Variants in CAMKMT observed in about 807,000 individuals in gnomAD.
CAMKMT encodes the protein CaM KMT.
CAMKMT carries 53 observed loss-of-function variants against 48.0 expected under a neutral mutation model. The ratio of observed to expected loss-of-function variants is 1.10; its 90% confidence interval spans 0.89 to 1.39. The LOEUF is 1.39. CAMKMT is among the 40% of genes most tolerant of loss of function. The probability of loss-of-function intolerance (pLI) is 0.00; values close to 1 mark genes in which losing one functional copy is unlikely to be tolerated. For synonymous variants in CAMKMT, 165 were observed against 152.3 expected, an observed-to-expected ratio of 1.08 and a Z score of -0.61; for missense variants, 428 against 402.7, an observed-to-expected ratio of 1.06 and a Z score of -0.54.
intron 3 of CAMKMT, among the ~76,000 whole-genome samples, chr2:44,519,667 G>A (rs1049715455): frequency 6.6e-6 from 1 of 152,178 alleles, no homozygotes; most frequent in Non-Finnish European, 1.5e-5. Flanking sequence ...AAACAAAAAA[G>A]TGTGACTTAG....
intron 6 of CAMKMT, among the ~76,000 whole-genome samples, chr2:44,714,861 A>G (rs7563260): frequency 0.037 from 5,651 of 152,248 alleles, 201 homozygotes; most frequent in African/African-American, 0.094. Context: ...CACACCTCAC[A>G]TACAGCTCTT....
chr2:44,688,285 G>A (rs1254362168), intron 3 of CAMKMT, among the ~76,000 whole-genome samples: 1 of 152,186 alleles, frequency 6.6e-6, no homozygotes, highest in African/African-American at 2.4e-5. Flanking sequence ...TTTACAGCCA[G>A]GACGTGCTTA....
chr2:44,556,705 A>G lies in CAMKMT; in HGVS notation c.377-147578A>G, dbSNP rs61173761. On this transcript the variant is annotated intron_variant, in intron 3 of 10. Transcript: ENST00000378494. ...AGGATGGTCTTGATCTCCTGACCTC[A>G]TGATCCACCCGCCTCGGCCTCCCAA... Among the ~76,000 whole-genome samples the G allele has an allele frequency of 1.4e-4, 7 of 51,110 alleles. 2 individuals are homozygous for G. The highest frequency in any genetic ancestry group is 3.8e-4 in the African/African-American group (5 of 13,076). The allele number at this position is 51,110 out of a possible 152,430, so 33.5% of individuals were successfully genotyped here.
At chr2:44,706,582 T>C (rs1343265201) in intron 5 of CAMKMT, among the ~76,000 whole-genome samples, 1 of 151,972 alleles carries the variant, frequency 6.6e-6, no homozygotes, top group African/African-American at 2.4e-5. Context: ...ATTCCAGGCC[T>C]CGCACAGTCT....
At chr2:44,482,447 G>A (rs1379998295) in intron 3 of CAMKMT, among the ~76,000 whole-genome samples, 1 of 152,090 alleles carries the variant, frequency 6.6e-6, no homozygotes, top group Admixed American at 6.6e-5. Context: ...TTAGAGTCTT[G>A]CTTATGGGGA....
At chr2:44,769,114 C>T in intron 10 of CAMKMT, among the ~76,000 whole-genome samples, 1 of 146,830 alleles carries the variant, frequency 6.8e-6, no homozygotes, top group Non-Finnish European at 1.5e-5. Flanking sequence ...AGTTACTTGG[C>T]AGTAGTGCAA....
chr2:44,506,123 C>G (rs1321525110), intron 3 of CAMKMT, among the ~76,000 whole-genome samples: 6 of 152,032 alleles, frequency 3.9e-5, no homozygotes, highest in South Asian at 4.2e-4. Flanking sequence ...TCCCAAAGTG[C>G]TAGCATTACA....
intron 3 of CAMKMT, among the ~76,000 whole-genome samples, chr2:44,403,365 A>G (rs1283680500): frequency 6.6e-6 from 1 of 152,162 alleles, no homozygotes; most frequent in Non-Finnish European, 1.5e-5. Flanking sequence ...TCCAGTCTGG[A>G]GAGACTAGAC....
intron 3 of CAMKMT, among the ~76,000 whole-genome samples, chr2:44,480,249 C>A (rs1668898746): frequency 6.6e-6 from 1 of 152,194 alleles, no homozygotes; most frequent in South Asian, 2.1e-4. Context: ...TAGAGCAACT[C>A]ACCTTTTGCC....
At chr2:44,626,164 T>A (rs1169506865) in intron 3 of CAMKMT, among the ~76,000 whole-genome samples, 1 of 152,208 alleles carries the variant, frequency 6.6e-6, no homozygotes, top group South Asian at 2.1e-4. Flanking sequence ...TAATGATATC[T>A]CACTCCATTT....
intron 3 of CAMKMT, among the ~76,000 whole-genome samples, chr2:44,591,107 A>C (rs933365198): frequency 4.6e-5 from 7 of 150,846 alleles, no homozygotes; most frequent in African/African-American, 1.7e-4. Context: ...TGTTCCATTG[A>C]TCTATATCTC....
intron 3 of CAMKMT, among the ~76,000 whole-genome samples, chr2:44,403,293 C>A (rs1286045820): frequency 6.6e-6 from 1 of 152,140 alleles, no homozygotes; most frequent in Non-Finnish European, 1.5e-5. Context: ...AGTTACTCCA[C>A]CCCCAATTAA....
At chr2:44,760,206 G>A (rs899532975) in intron 9 of CAMKMT, among the ~76,000 whole-genome samples, 2 of 152,146 alleles carry the variant, frequency 1.3e-5, no homozygotes, top group African/African-American at 4.8e-5. Flanking sequence ...CCTGAGGAAG[G>A]TTTCCCTAGA....
intron 3 of CAMKMT, among the ~76,000 whole-genome samples, chr2:44,598,949 A>G (rs992671197): frequency 1.3e-5 from 2 of 151,858 alleles, no homozygotes; most frequent in Admixed American, 6.6e-5. Context: ...AAAAGCTGTA[A>G]TTACCTAAGA....
rs185626253 is a variant in CAMKMT at position 44,518,436 on chromosome 2, C to A, written c.376+128131C>A. Among the ~76,000 whole-genome samples the A allele has an allele frequency of 3.4e-3, 516 of 152,238 alleles. 3 individuals are homozygous for A. Among genetic ancestry groups the A allele is most frequent in the African/African-American group, 0.012 (478 of 41,546 alleles). ...ACATAATGTTTGCTAAAGGTCACTT[C>A]TAAAACAGCTGATGTGAAAGTAGGA... On this transcript the variant is annotated intron_variant, in intron 3 of 10. Transcript: ENST00000378494.
At chr2:44,426,884 ACAAAAC>A (rs1037327776) in intron 3 of CAMKMT, among the ~76,000 whole-genome samples, 1 of 152,238 alleles carries the variant, frequency 6.6e-6, no homozygotes, top group Non-Finnish European at 1.5e-5. Flanking sequence ...AGCAAAAAGA[ACAAAAC>A]CAGAGGCATC....
At chr2:44,710,064 C>T (rs1349967499) in intron 6 of CAMKMT, among the ~76,000 whole-genome samples, 2 of 151,262 alleles carry the variant, frequency 1.3e-5, no homozygotes, top group African/African-American at 4.9e-5. Context: ...ACTGAATCTT[C>T]TTAGTCTCTT....
chr2:44,614,936 C>CTTTTTTTTTTTTTTTTTTTTTTTGTT (rs1671793478), intron 3 of CAMKMT, among the ~76,000 whole-genome samples: 1 of 48,990 alleles, frequency 2.0e-5, no homozygotes, highest in Non-Finnish European at 3.3e-5. Context: ...GGTCTCCTTG[C>CTTTTTTTTTTTTTTTTTTTTTTTGTT]TTTTTTTTTT....
In CAMKMT at chr2:44,718,281, C is replaced by G. The variant is rs150082554; in HGVS notation, c.623+2928C>G. On this transcript the variant is annotated intron_variant, in intron 7 of 10. Coordinates refer to ENST00000378494, the MANE Select transcript of CAMKMT (RefSeq NM_024766.5). ...CATTTTAATCATAGTCTGATTGTAG[C>G]TAAATGTGAAAGACATGCTGGTGAA... Among the ~76,000 whole-genome samples the G allele has an allele frequency of 6.4e-4, 97 of 152,266 alleles. 2 individuals carry two copies. The South Asian group carries it at 0.012, about 19-fold the overall frequency.
Sources: allele counts gnomAD v4.1 joint callset (sites outside exome capture counted in the v4.1 genomes callset), GRCh38; gene constraint gnomAD v4.1.1; transcripts MANE v1.5; gene names NCBI Gene and HGNC (gene_info 2026-07-23, HGNC 2026-07-21).